The following KIF3A variants were observed in gnomAD, a reference collection of about 807,000 sequenced individuals.
The protein encoded by KIF3A is kinesin family member 3A.
KIF3A carries 27 observed loss-of-function variants against 92.6 expected under a neutral mutation model. The ratio of observed to expected loss-of-function variants is 0.29; its 90% CI spans 0.21 to 0.40. KIF3A has a LOEUF of 0.40. Among genes scored for constraint, KIF3A ranks in the 10% least tolerant of loss-of-function variants. The probability of loss-of-function intolerance (pLI) is 1.00; values close to 1 mark genes in which losing one functional copy is unlikely to be tolerated. For synonymous variants in KIF3A, 250 were observed against 275.4 expected (o/e 0.91, Z 0.92); for missense variants, 581 against 872.6 (o/e 0.67, Z 4.21).
chr5:132,737,524 C>T lies in KIF3A; in HGVS notation c.-105G>A. The T allele has an allele frequency of 1.5e-6, 2 of 1,354,952 alleles. No homozygotes were observed. The highest frequency in any genetic ancestry group is 1.5e-5 in the African/African-American group (1 of 67,350). 83.9% of individuals were successfully genotyped at this position (1,354,952 alleles called of 1,614,324 possible). A position where few individuals can be genotyped will look rare whatever the true frequency, so the allele number is the denominator to read the frequency against. On this transcript the variant is annotated 5_prime_UTR_variant, in exon 1 of 19. Coordinates refer to ENST00000403231, the MANE Select transcript of KIF3A (RefSeq NM_001300791.2). ...AGAGACTACCGAAACACCTCGTTGA[C>T]GCTCTCGAGACTGCGGCTTCTCGGG...
At chr5:132,724,724 A>C (rs1434295936) in intron 4 of KIF3A, among the ~76,000 whole-genome samples, 2 of 148,816 alleles carry the variant, frequency 1.3e-5, no homozygotes, top group Non-Finnish European at 3.0e-5. Context: ...GCACACCAAC[A>C]TGGCACATGT....
In KIF3A at chr5:132,715,796, G is replaced by C; in HGVS notation, c.1090C>G (p.Gln364Glu). The C allele has an allele frequency of 6.2e-7, 1 of 1,609,694 alleles. No individual in the cohort carries two copies. Among genetic ancestry groups the C allele is most frequent in the Non-Finnish European group, 8.5e-7 (1 of 1,178,762 alleles). The change falls in exon 8 of 19, where the codon CAG becomes GAG. Residue 364 changes from glutamine (Q) to glutamate (E), a missense_variant. This residue lies in a region of KIF3A where 167 missense variants were observed against 205.8 expected (regional missense o/e 0.81). Transcript: ENST00000403231. ...DPKDALLRQF[Q>E]KEIEELKKKL... ...TTTTTCAGTTCTTCTATTTCTTTCT[G>C]GAACTGACGCAGCAAAGCATCCTTT...
chr5:132,714,145 C>T (rs1442553228), intron 8 of KIF3A, among the ~76,000 whole-genome samples: 1 of 152,102 alleles, frequency 6.6e-6, no homozygotes, highest in East Asian at 1.9e-4. Flanking sequence ...GATCCACCCG[C>T]CTCGGCCTCA....
rs1181927387 is a variant in KIF3A at position 132,720,703 on chromosome 5, T to G, written c.522A>C (p.Arg174Ser). Residue 174 changes from arginine (R) to serine (S), a missense_variant, in exon 5 of 19, where the codon AGA becomes AGC. Physicochemically the swap from Arg to Ser is moderately radical, Grantham distance 110. This residue lies in a region of KIF3A where 217 missense variants were observed against 299.7 expected (regional missense o/e 0.72). Transcript: ENST00000403231. Reference sequence around the variant, plus strand: ...CTTTGATATAAACTCCCACATCAGGTCTTTCTTTAACCTAAAAAAAAATTA... The same window carrying G: ...CTTTGATATAAACTCCCACATCAGGGCTTTCTTTAACCTAAAAAAAAATTA... ...DQTQRLEVKE[R>S]PDVGVYIKDL... is the part of the protein sequence containing the mutation. The G allele has an allele frequency of 1.3e-6, 2 of 1,598,364 alleles. No individual in the cohort carries two copies. Among genetic ancestry groups the G allele is most frequent in the Non-Finnish European group, 1.7e-6 (2 of 1,168,750 alleles).
chr5:132,726,656 C>T (rs1754043748), intron 2 of KIF3A, among the ~76,000 whole-genome samples, 158 bp from the exon 3 acceptor site: 1 of 152,084 alleles, frequency 6.6e-6, no homozygotes, highest in Non-Finnish European at 1.5e-5. Context: ...AATTACAATG[C>T]GTACTCTGTA....
At chr5:132,690,553 TAA>T (rs1752637264), downstream of KIF3A, among the ~76,000 whole-genome samples, 4 of 152,366 alleles carry the variant, frequency 2.6e-5, no homozygotes, top group South Asian at 8.3e-4. Context: ...ATGTATATGC[TAA>T]TTACCCTGAT....
chr5:132,737,338 C>T (rs1754434487), intron 1 of KIF3A, 76 bp downstream of exon 1: 1 of 1,531,328 alleles, frequency 6.5e-7, no homozygotes, highest in East Asian at 2.6e-5. Context: ...CTCCGCGCCT[C>T]CATGGCAACG....
chr5:132,729,374 T>C (rs1754147753), intron 2 of KIF3A, among the ~76,000 whole-genome samples: 1 of 151,898 alleles, frequency 6.6e-6, no homozygotes, highest in Non-Finnish European at 1.5e-5. Flanking sequence ...ATCACTTGAG[T>C]CCAGGAGGCT....
chr5:132,716,102 C>T lies in KIF3A; in HGVS notation c.954+143G>A, dbSNP rs1175502225. 28 of 838,592 alleles carry T rather than the reference C, an allele frequency of 3.3e-5. No individual in the cohort carries two copies. In the East Asian group the frequency reaches 3.4e-4, roughly 10 times the overall value. 51.9% of individuals were successfully genotyped at this position (838,592 alleles called of 1,614,324 possible). Reference sequence around the variant, plus strand: ...CAAAGGACACTATTATGGGCTAATACACGAGTGTACCACAAAAAGGACAAC... The same window carrying T: ...CAAAGGACACTATTATGGGCTAATATACGAGTGTACCACAAAAAGGACAAC... On this transcript the variant is annotated intron_variant, in intron 7 of 18. Transcript: ENST00000403231.
At chr5:132,729,611 TA>T (rs1754157880) in intron 2 of KIF3A, among the ~76,000 whole-genome samples, 1 of 152,202 alleles carries the variant, frequency 6.6e-6, no homozygotes, top group Non-Finnish European at 1.5e-5. Context: ...CTAGAGAATT[TA>T]AAAATATTTG....
At chr5:132,700,340 T>C (rs1752990057) in intron 16 of KIF3A, 56 bp from the exon 17 acceptor site, 1 of 1,023,164 alleles carries the variant, frequency 9.8e-7, no homozygotes, top group South Asian at 1.4e-5. Flanking sequence ...ATCAATACTG[T>C]GAGTTAGGCA....
At chr5:132,732,432 T>TGGG (rs1323313677) in intron 2 of KIF3A, among the ~76,000 whole-genome samples, 1 of 152,210 alleles carries the variant, frequency 6.6e-6, no homozygotes, top group African/African-American at 2.4e-5. Context: ...AACTAATAAA[T>TGGG]GGATAAACAA....
Position 132,699,179 on chromosome 5 carries a change from T to C in KIF3A, c.2124A>G (p.Thr708=). Residue 708 remains threonine, a synonymous_variant, in exon 18 of 19, where the codon ACA becomes ACG. Coordinates refer to ENST00000403231, the MANE Select transcript of KIF3A (RefSeq NM_001300791.2). ...RTSKGKARPK[T]GRRKRSAKPE... Reference sequence around the variant, plus strand: ...TCAAGGACAGTCCTTACCTTCTCCCTGTCTTTGGCCTTGCTTTCCCCTTTG... The same window carrying C: ...TCAAGGACAGTCCTTACCTTCTCCCCGTCTTTGGCCTTGCTTTCCCCTTTG... 6.2e-7 allele frequency: 1 copy of C among 1,614,074 alleles called. No homozygotes were observed. Among genetic ancestry groups the C allele is most frequent in the Non-Finnish European group, 8.5e-7 (1 of 1,179,912 alleles).
intron 15 of KIF3A, among the ~76,000 whole-genome samples, chr5:132,701,094 A>G (rs927353190): frequency 1.3e-5 from 2 of 151,878 alleles, no homozygotes; most frequent in Non-Finnish European, 2.9e-5. Flanking sequence ...AGGAGAATGT[A>G]CCATGAACCC....
intron 18 of KIF3A, among the ~76,000 whole-genome samples, chr5:132,697,125 A>G (rs184966241): frequency 1.8e-4 from 27 of 152,350 alleles, no homozygotes; most frequent in African/African-American, 6.5e-4. Flanking sequence ...TTAATGTATT[A>G]TATTTATTGC....
At chr5:132,709,577 G>T (rs1753343294) in intron 9 of KIF3A, among the ~76,000 whole-genome samples, 1 of 152,080 alleles carries the variant, frequency 6.6e-6, no homozygotes, top group Admixed American at 6.5e-5. Flanking sequence ...CATATTACTG[G>T]CATTTTTCTA....
intron 2 of KIF3A, among the ~76,000 whole-genome samples, chr5:132,731,616 ACT>A (rs1450383514): frequency 3.9e-5 from 6 of 152,226 alleles, no homozygotes; most frequent in African/African-American, 1.4e-4. Flanking sequence ...CTTCTAATTT[ACT>A]GGAGGTTCTA....
chr5:132,721,743 C>G (rs1392623641), intron 4 of KIF3A, among the ~76,000 whole-genome samples: 1 of 151,586 alleles, frequency 6.6e-6, no homozygotes, highest in Non-Finnish European at 1.5e-5. Context: ...ATGATGATCT[C>G]TATAAGCCAG....
At chr5:132,721,834 T>C (rs918296240) in intron 4 of KIF3A, among the ~76,000 whole-genome samples, 7 of 152,160 alleles carry the variant, frequency 4.6e-5, no homozygotes, top group African/African-American at 1.4e-4. Context: ...TTAGGGGTCT[T>C]CAGGCCCAGA....
Sources: gnomAD v4.1 joint callset for allele counts (sites outside exome capture counted in the v4.1 genomes callset) on GRCh38, gnomAD v4.1.1 for gene constraint, gnomAD v4.1.1 regional missense constraint, MANE v1.5 for transcripts, NCBI Gene and HGNC (gene_info 2026-07-23, HGNC 2026-07-21) for gene names.